The following PUM1 variants were observed in gnomAD, a reference collection of about 807,000 sequenced individuals.
PUM1 encodes the protein pumilio homolog 1.
A neutral mutation model predicts 131.8 loss-of-function variants in PUM1; 13 were observed. That is an observed-to-expected ratio of 0.10 (90% CI 0.06 to 0.16). The LOEUF (loss-of-function observed/expected upper bound fraction) is 0.16. Among genes scored for constraint, PUM1 ranks in the 10% least tolerant of loss-of-function variants. The probability of loss-of-function intolerance (pLI) is 1.00; values close to 1 mark genes in which losing one functional copy is unlikely to be tolerated. For missense variants in PUM1, 961 were observed against 1,512.4 expected (o/e 0.64, Z 6.05); for synonymous variants, 509 against 556.5 (o/e 0.91, Z 1.20).
intron 8 of PUM1, 93 bp downstream of exon 8, chr1:30,981,219 T>TA: frequency 1.4e-6 from 1 of 735,242 alleles, no homozygotes; most frequent in Non-Finnish European, 2.2e-6. Context: ...TGAACTTTTA[T>TA]AATCAGTTTA....
chr1:31,006,111 A>C, intron 4 of PUM1, 80 bp from the exon 5 acceptor site: 1 of 1,288,628 alleles, frequency 7.8e-7, no homozygotes, highest in Non-Finnish European at 1.0e-6. Flanking sequence ...TGGATAACCA[A>C]TGGAATCAGG....
intron 18 of PUM1, among the ~76,000 whole-genome samples, chr1:30,942,677 C>A (rs941321108): frequency 2.6e-5 from 4 of 152,176 alleles, no homozygotes; most frequent in African/African-American, 9.7e-5. Context: ...ATACATCTCA[C>A]AACTGTAATC....
At chr1:31,051,051 G>A (rs1051461289) in intron 2 of PUM1, 1 of 152,892 alleles carries the variant, frequency 6.5e-6, no homozygotes, top group Non-Finnish European at 1.5e-5. Flanking sequence ...CATTAAGTTG[G>A]ACGAAGTGAT....
At position 30,981,286 on chromosome 1, in the gene PUM1, A is replaced by G. The variant is rs576871671; in HGVS notation, c.1252+26T>C. 4.3e-5 allele frequency: 62 copies of G among 1,452,488 alleles called. No individual in the cohort carries two copies. The South Asian group carries it at 6.6e-4, about 16-fold the overall frequency. 90.0% of individuals were successfully genotyped at this position (1,452,488 alleles called of 1,614,324 possible). A position where few individuals can be genotyped will look rare whatever the true frequency, so the allele number is the denominator to read the frequency against. On this transcript the variant is annotated intron_variant, in intron 8 of 21. Coordinates refer to ENST00000426105, the MANE Select transcript of PUM1 (RefSeq NM_001020658.2). The stretch of plus-strand genomic sequence containing the variant: ...TAAAATGGCGGCCACACCTATCATG[A>G]AAGAGCTATGGGCTTAAGGACTTAC...
chr1:30,948,350 C>T (rs760683061), intron 17 of PUM1, among the ~76,000 whole-genome samples: 8 of 152,088 alleles, frequency 5.3e-5, no homozygotes, highest in Non-Finnish European at 1.0e-4. Context: ...CCCAAAATGG[C>T]AAATTTGCAT....
At position 31,005,789 on chromosome 1, in the gene PUM1, AAAAGAG is replaced by A. The variant is rs774014523; in HGVS notation, c.720+58_720+63del. On this transcript the variant is annotated intron_variant, in intron 5 of 21. Coordinates refer to ENST00000426105, the MANE Select transcript of PUM1 (RefSeq NM_001020658.2). ...CAGGCATGTTTTGCTTTAGGGGAAA[AAAAGAG>A]AGAGAGAGAGAGAGAGAGAGAGAGA... The A allele has an allele frequency of 5.8e-5, 78 of 1,351,488 alleles. No individual in the cohort carries two copies. The South Asian group carries it at 8.5e-4, about 15-fold the overall frequency. 83.7% of individuals were successfully genotyped at this position (1,351,488 alleles called of 1,614,324 possible). A position where few individuals can be genotyped will look rare whatever the true frequency, so the allele number is the denominator to read the frequency against.
At chr1:31,047,054 G>C (rs1643985349) in intron 2 of PUM1, among the ~76,000 whole-genome samples, 1 of 152,130 alleles carries the variant, frequency 6.6e-6, no homozygotes, top group Non-Finnish European at 1.5e-5. Context: ...AGCCAGGCAT[G>C]GTGGTGCACA....
Position 30,966,089 on chromosome 1 carries a change from A to C in PUM1, c.1979T>G (p.Leu660Arg). The change falls in exon 13 of 22, where the codon CTC (leucine) becomes CGC (arginine). Residue 660 changes from leucine (L) to arginine (R), a missense_variant. Coordinates refer to ENST00000426105, the MANE Select transcript of PUM1 (RefSeq NM_001020658.2). ...SLNSNSQSSS[L>R]FSQGSAQPAN... The stretch of plus-strand genomic sequence containing the variant: ...AGGCTGGGCAGAGCCCTGGGAGAAG[A>C]GGGAGCTGCTCTGTGAATTGCTGTT... 1.9e-6 allele frequency: 3 copies of C among 1,614,168 alleles called. No homozygotes were observed. The highest frequency in any genetic ancestry group is 2.5e-6 in the Non-Finnish European group (3 of 1,180,022).
At chr1:30,990,319 A>T (rs1641738145) in intron 7 of PUM1, among the ~76,000 whole-genome samples, 1 of 152,196 alleles carries the variant, frequency 6.6e-6, no homozygotes, top group Non-Finnish European at 1.5e-5. Context: ...TCACAACACA[A>T]GACAAAACAT....
chr1:31,053,009 T>A (rs887348556), intron 2 of PUM1, among the ~76,000 whole-genome samples: 2 of 148,608 alleles, frequency 1.3e-5, no homozygotes, highest in African/African-American at 5.0e-5. Context: ...TGGCCCAATA[T>A]CCATCATCTT....
intron 2 of PUM1, among the ~76,000 whole-genome samples, chr1:31,034,941 C>G (rs1164024652): frequency 6.6e-6 from 1 of 151,958 alleles, no homozygotes; most frequent in Non-Finnish European, 1.5e-5. Flanking sequence ...AGAGGAGAAA[C>G]TTGAGCAATG....
intron 9 of PUM1, among the ~76,000 whole-genome samples, chr1:30,975,517 ATTTTTTT>A (rs751510345): frequency 1.8e-4 from 15 of 84,168 alleles, no homozygotes; most frequent in East Asian, 6.6e-4. Flanking sequence ...TACCTGACTA[ATTTTTTT>A]TTTTTTTTTT....
chr1:31,059,536 C>T lies in PUM1; in HGVS notation c.31G>A (p.Ala11Thr), dbSNP rs753613923. Reference sequence around the variant, plus strand: ...CTGAAAGAGTCCTGCCAAAGCACTGCTTTTCTCTTCAAGACACATGCAACG... The same window carrying T: ...CTGAAAGAGTCCTGCCAAAGCACTGTTTTTCTCTTCAAGACACATGCAACG... MSVACVLKRK[A>T]VLWQDSFSPH... Residue 11 changes from alanine to threonine, a missense_variant, in exon 2 of 22, where the codon GCA (alanine) becomes ACA (threonine). Physicochemically the swap from Ala to Thr is moderately conservative, Grantham distance 58. This residue lies in a region of PUM1 where 654 missense variants were observed against 923.9 expected (regional missense o/e 0.71). Coordinates refer to ENST00000426105, the MANE Select transcript of PUM1 (RefSeq NM_001020658.2). 1 of 1,613,978 alleles carries T rather than the reference C, an allele frequency of 6.2e-7. No homozygotes were observed. The highest frequency in any genetic ancestry group is 8.5e-7 in the Non-Finnish European group (1 of 1,179,924).
chr1:31,034,261 G>C (rs1643532822), intron 2 of PUM1, among the ~76,000 whole-genome samples: 1 of 152,136 alleles, frequency 6.6e-6, no homozygotes, highest in Non-Finnish European at 1.5e-5. Flanking sequence ...GATTTGACTA[G>C]TTGTCTGTTG....
At chr1:31,011,308 G>A (rs1642612011) in intron 3 of PUM1, among the ~76,000 whole-genome samples, 1 of 151,946 alleles carries the variant, frequency 6.6e-6, no homozygotes, top group Middle Eastern at 3.2e-3. Context: ...ACTTCTTTAG[G>A]AGTCTGTTTT....
chr1:30,958,558 G>C (rs930856940), intron 14 of PUM1, among the ~76,000 whole-genome samples: 5 of 152,172 alleles, frequency 3.3e-5, no homozygotes, highest in African/African-American at 9.7e-5. Context: ...TAAGAAATGA[G>C]GGGTGAGAAA....
At position 30,995,133 on chromosome 1, in the gene PUM1, T is replaced by C; in HGVS notation, c.808A>G (p.Lys270Glu). The part of the protein sequence containing the change: ...TFDGDKLGDL[K>E]EEGDVMDKTN... The stretch of plus-strand genomic sequence containing the variant: ...TTGTCCATCACATCACCCTCCTCCT[T>C]CAAATCTCCTAGCTTATCTCCATCA... The change falls in exon 6 of 22, where the codon AAG (lysine) becomes GAG (glutamate). Residue 270 changes from lysine to glutamate, a missense_variant. By Grantham distance (56) the Lys-to-Glu change is moderately conservative. This residue lies in a region of PUM1 where 654 missense variants were observed against 923.9 expected (regional missense o/e 0.71). Coordinates refer to ENST00000426105, the MANE Select transcript of PUM1 (RefSeq NM_001020658.2). The C allele has an allele frequency of 4.3e-6, 7 of 1,614,220 alleles. No homozygotes were observed. Among genetic ancestry groups the C allele is most frequent in the Non-Finnish European group, 5.9e-6 (7 of 1,180,040 alleles).
At chr1:31,058,914 G>A (rs1214966773) in intron 2 of PUM1, among the ~76,000 whole-genome samples, 1 of 152,112 alleles carries the variant, frequency 6.6e-6, no homozygotes, top group Non-Finnish European at 1.5e-5. Context: ...CAGCTGCAGT[G>A]AGCCGAGATC....
At chr1:30,938,190 C>A (rs1639293345) in intron 20 of PUM1, among the ~76,000 whole-genome samples, 2 of 152,176 alleles carry the variant, frequency 1.3e-5, no homozygotes, top group African/African-American at 4.8e-5. Context: ...CAGGCATGAG[C>A]CACTGTTCCT....
Sources: allele counts gnomAD v4.1 joint callset (sites outside exome capture counted in the v4.1 genomes callset), GRCh38; gene constraint gnomAD v4.1.1; regional missense constraint gnomAD v4.1.1; transcripts MANE v1.5; gene names NCBI Gene and HGNC (gene_info 2026-07-23, HGNC 2026-07-21).